KANSL1L: variants seen among roughly 807,000 people sequenced by gnomAD.
The protein encoded by KANSL1L is KAT8 regulatory NSL complex subunit 1 like.
Under a neutral mutation model 108.6 loss-of-function variants are expected in KANSL1L, and 25 were observed. The ratio of observed to expected loss-of-function variants is 0.23; its 90% CI spans 0.17 to 0.32. KANSL1L has a LOEUF of 0.32. Ranked by LOEUF, KANSL1L falls within the 10% of genes least tolerant of loss-of-function variation. The pLI, the probability that KANSL1L is intolerant of heterozygous loss-of-function variation, is 1.00. For missense variants in KANSL1L, 1,137 were observed against 1,125.7 expected (o/e 1.01, Z -0.14); for synonymous variants, 405 against 395.1 (o/e 1.03, Z -0.30).
intron 2 of KANSL1L, among the ~76,000 whole-genome samples, chr2:210,134,920 T>G (rs1226333085): frequency 6.6e-6 from 1 of 152,080 alleles, no homozygotes; most frequent in African/African-American, 2.4e-5. Flanking sequence ...CTAACACCCA[T>G]GTTAGATACA....
At chr2:210,137,086 T>C (rs2125574744) in intron 2 of KANSL1L, among the ~76,000 whole-genome samples, 1 of 152,314 alleles carries the variant, frequency 6.6e-6, no homozygotes, top group South Asian at 2.1e-4. Context: ...CCTGGGTCTC[T>C]TCTTTTTTTG....
rs2095095323 is a variant in KANSL1L, at chr2:210,129,035, G to C, written c.1226C>G (p.Ser409Cys). 6.2e-7 allele frequency: 1 copy of C among 1,613,164 alleles called. No individual in the cohort carries two copies. The highest frequency in any genetic ancestry group is 1.7e-4 in the Middle Eastern group (1 of 6,056). ...LTDIHRQIRA[S>C]KGIVVLEECQ... Reference sequence around the variant, plus strand: ...AAGAACACAGACAGACAATACCTTGGAGGCACGAATTTGCCTGTGAATGTC... The same window carrying C: ...AAGAACACAGACAGACAATACCTTGCAGGCACGAATTTGCCTGTGAATGTC... The change falls in exon 3 of 15, where the codon TCC (serine) becomes TGC (cysteine). Residue 409 changes from serine (S) to cysteine (C), a missense_variant. By Grantham distance (112) the Ser-to-Cys change is moderately radical. Coordinates refer to ENST00000281772, the MANE Select transcript of KANSL1L (RefSeq NM_152519.4).
chr2:210,129,211 G>C (rs780785335), intron 2 of KANSL1L, 39 bp from the exon 3 acceptor site: 1 of 1,515,648 alleles, frequency 6.6e-7, no homozygotes, highest in Non-Finnish European at 8.9e-7. Flanking sequence ...AAGCACAAAG[G>C]CAATCAAGTT....
intron 7 of KANSL1L, among the ~76,000 whole-genome samples, chr2:210,041,090 T>C: frequency 6.6e-6 from 1 of 152,298 alleles, no homozygotes; most frequent in Non-Finnish European, 1.5e-5. Context: ...GAATATACTT[T>C]TATAAAGATT....
chr2:210,033,003 CAG>C (rs768047739), intron 8 of KANSL1L: 15 of 152,148 alleles, frequency 9.9e-5, no homozygotes, highest in Middle Eastern at 6.8e-3. Flanking sequence ...GGCTAAGAAA[CAG>C]AATGGACACA....
chr2:210,115,894 T>C (rs2125483373), intron 3 of KANSL1L, among the ~76,000 whole-genome samples: 1 of 152,218 alleles, frequency 6.6e-6, no homozygotes, highest in Admixed American at 6.5e-5. Flanking sequence ...CCTCCAGCAA[T>C]TGTACCCCCA....
chr2:210,171,492 A>G (rs1688337663), upstream of KANSL1L: 3 of 154,042 alleles, frequency 1.9e-5, no homozygotes, highest in Non-Finnish European at 4.3e-5. Flanking sequence ...TGGCGGGGAA[A>G]CCCCGGCAGG....
intron 1 of KANSL1L, among the ~76,000 whole-genome samples, chr2:210,169,758 A>T (rs1688217756): frequency 6.6e-6 from 1 of 152,250 alleles, no homozygotes; most frequent in Non-Finnish European, 1.5e-5. Context: ...CTGAGGGAGA[A>T]CCAAAGATAA....
intron 5 of KANSL1L, among the ~76,000 whole-genome samples, chr2:210,079,583 T>C (rs1461457902): frequency 1.0e-5 from 1 of 100,106 alleles, no homozygotes; most frequent in East Asian, 3.1e-4. Flanking sequence ...AGAGTGAGAC[T>C]CTGTCTCAAA....
At chr2:210,127,798 C>CAAAAAAAAAAAAAAAAAAAAAAAAAAA (rs55979027) in intron 3 of KANSL1L, among the ~76,000 whole-genome samples, 2 of 28,126 alleles carry the variant, frequency 7.1e-5, no homozygotes, top group African/African-American at 1.3e-4. Flanking sequence ...GACTCTGCCT[C>CAAAAAAAAAAAAAAAAAAAAAAAAAAA]AAAAAAAAAA....
chr2:210,166,550 T>C (rs1347229319), intron 1 of KANSL1L, among the ~76,000 whole-genome samples: 4 of 152,148 alleles, frequency 2.6e-5, no homozygotes, highest in Non-Finnish European at 4.4e-5. Context: ...CCTAAAATAC[T>C]GCTCCAGATT....
chr2:210,126,542 C>T (rs188128549), intron 3 of KANSL1L, among the ~76,000 whole-genome samples: 20 of 152,260 alleles, frequency 1.3e-4, no homozygotes, highest in Admixed American at 2.0e-4. Context: ...GAGTTGGGCT[C>T]GGTGGCCCAC....
intron 5 of KANSL1L, chr2:210,096,740 T>C (rs1321296181): frequency 2.1e-6 from 2 of 959,064 alleles, no homozygotes; most frequent in African/African-American, 3.5e-5. Flanking sequence ...TAAGAATCTT[T>C]ACGTTCAACA....
chr2:210,141,157 CCTCTCTG>C lies in KANSL1L; in HGVS notation c.1089-11992_1089-11986del, dbSNP rs201005176. 2.8e-3 allele frequency among the ~76,000 whole-genome samples: 247 copies of C among 87,048 alleles called. 1 individual carries two copies. The highest frequency in any genetic ancestry group is 8.7e-3 in the African/African-American group (238 of 27,498). 57.1% of individuals were successfully genotyped at this position (87,048 alleles called of 152,430 possible). ...TCCTTCCTCCCTTCCCTTCCCCACT[CCTCTCTG>C]TTTTCTTTCTTTTCTTTCTCTCCCT... On this transcript the variant is annotated intron_variant, in intron 2 of 14. Transcript: ENST00000281772.
chr2:210,170,466 C>T (rs1688267627), intron 1 of KANSL1L: 2 of 796,772 alleles, frequency 2.5e-6, no homozygotes, highest in African/African-American at 1.9e-5. Flanking sequence ...GTTTCTGAAA[C>T]GGCCAGGATA....
intron 6 of KANSL1L, among the ~76,000 whole-genome samples, chr2:210,057,422 C>T (rs2125254105): frequency 6.6e-6 from 1 of 152,212 alleles, no homozygotes; most frequent in African/African-American, 2.4e-5. Flanking sequence ...AACAATAGGG[C>T]CGGGCGCTGT....
intron 6 of KANSL1L, among the ~76,000 whole-genome samples, chr2:210,070,231 T>TC (rs1444647796): frequency 4.2e-5 from 5 of 119,440 alleles, no homozygotes; most frequent in Non-Finnish European, 7.0e-5. Flanking sequence ...GTTCTTTTTT[T>TC]TTTTTTTTTT....
chr2:210,106,651 C>T (rs1472380897), intron 3 of KANSL1L, among the ~76,000 whole-genome samples: 7 of 151,894 alleles, frequency 4.6e-5, no homozygotes, highest in Non-Finnish European at 8.8e-5. Context: ...TGCCTTTGGT[C>T]CCAGATACTT....
At chr2:210,169,780 G>T (rs538925098) in intron 1 of KANSL1L, among the ~76,000 whole-genome samples, 10 of 152,288 alleles carry the variant, frequency 6.6e-5, no homozygotes, top group Admixed American at 5.9e-4. Flanking sequence ...GGTTACAACA[G>T]ATTTTAAAGA....
Sources: allele counts gnomAD v4.1 joint callset (sites outside exome capture counted in the v4.1 genomes callset), GRCh38; gene constraint gnomAD v4.1.1; transcripts MANE v1.5; gene names NCBI Gene and HGNC (gene_info 2026-07-23, HGNC 2026-07-21).